The following C8orf34 variants were observed in gnomAD, a reference collection of about 807,000 sequenced individuals.
C8orf34 encodes uncharacterized protein C8orf34.
In C8orf34, 65 loss-of-function variants were observed where a neutral mutation model predicts 68.3. The observed-to-expected ratio is 0.95, with a 90% CI of 0.78 to 1.17. The LOEUF (loss-of-function observed/expected upper bound fraction) is 1.17. Ranked by LOEUF, C8orf34 falls within the 50% of genes most tolerant of loss-of-function variation. The pLI, the probability that C8orf34 is intolerant of heterozygous loss-of-function variation, is 0.00. For missense variants in C8orf34, 664 were observed against 655.4 expected (o/e 1.01, Z -0.14); for synonymous variants, 244 against 241.2 (o/e 1.01, Z -0.11).
intron 7 of C8orf34, among the ~76,000 whole-genome samples, chr8:68,538,336 T>C (rs1815565349): frequency 6.6e-6 from 1 of 152,170 alleles, no homozygotes; most frequent in East Asian, 1.9e-4. Context: ...CTAGACCTCA[T>C]GCTACCTCTT....
At position 68,552,911 on chromosome 8, in the gene C8orf34, T is replaced by C. The variant is rs1461067104; in HGVS notation, c.1105+19762T>C. The stretch of plus-strand genomic sequence containing the variant: ...AACCTTGTATTTCAGGGATAAATCC[T>C]TATTTGTTGTTTCTATAATTCCTTT... On this transcript the variant is annotated intron_variant, in intron 7 of 13. Coordinates refer to ENST00000518698, the MANE Select transcript of C8orf34 (RefSeq NM_052958.4). Among the ~76,000 whole-genome samples, 5 of 152,298 alleles carry C rather than the reference T, an allele frequency of 3.3e-5. No individual in the cohort carries two copies. The East Asian group carries it at 9.6e-4, about 29-fold the overall frequency.
intron 8 of C8orf34, among the ~76,000 whole-genome samples, chr8:68,656,741 G>A (rs187279524): frequency 2.6e-5 from 4 of 152,142 alleles, no homozygotes; most frequent in African/African-American, 9.6e-5. Context: ...CTCCAACCCA[G>A]TCCCTGGAGA....
At chr8:68,587,308 A>G (rs541825307) in intron 7 of C8orf34, among the ~76,000 whole-genome samples, 1 of 152,166 alleles carries the variant, frequency 6.6e-6, no homozygotes, top group Non-Finnish European at 1.5e-5. Context: ...ATTACTGAAC[A>G]GATAATCTAT....
At chr8:68,448,688 A>G (rs1191436299) in intron 3 of C8orf34, among the ~76,000 whole-genome samples, 1 of 152,188 alleles carries the variant, frequency 6.6e-6, no homozygotes, top group African/African-American at 2.4e-5. Flanking sequence ...GTTGAAGTAC[A>G]GACGTGCCCA....
At chr8:68,786,912 G>A (rs925989625) in intron 11 of C8orf34, among the ~76,000 whole-genome samples, 3 of 152,166 alleles carry the variant, frequency 2.0e-5, no homozygotes, top group Admixed American at 6.5e-5. Flanking sequence ...GAGATAATGA[G>A]GGTCTGCTTT....
Position 68,521,981 on chromosome 8 carries a change from G to A in C8orf34, c.938+10G>A. 2 of 1,611,470 alleles carry A rather than the reference G, an allele frequency of 1.2e-6. No homozygotes were observed. The highest frequency in any genetic ancestry group is 1.7e-6 in the Non-Finnish European group (2 of 1,178,370). ...CTAGTCCTGCAGGAAGGTGAGATGAGCTGTCTGCTGAGATTCTATATTACT... is the reference window on the plus strand; with the variant it reads ...CTAGTCCTGCAGGAAGGTGAGATGAACTGTCTGCTGAGATTCTATATTACT... On this transcript the variant is annotated intron_variant, in intron 6 of 13. Coordinates refer to ENST00000518698, the MANE Select transcript of C8orf34 (RefSeq NM_052958.4).
chr8:68,402,427 T>C (rs1809001317), intron 1 of C8orf34, among the ~76,000 whole-genome samples: 1 of 152,126 alleles, frequency 6.6e-6, no homozygotes. Flanking sequence ...CTGATCATTG[T>C]TATTTGTTTT....
intron 8 of C8orf34, among the ~76,000 whole-genome samples, chr8:68,675,885 G>T (rs191583337): frequency 2.0e-5 from 3 of 152,056 alleles, no homozygotes; most frequent in Admixed American, 6.6e-5. Context: ...GAAAATAAAC[G>T]AATGGAAAAA....
At chr8:68,618,249 G>A (rs1461249672) in intron 7 of C8orf34, among the ~76,000 whole-genome samples, 1 of 152,004 alleles carries the variant, frequency 6.6e-6, no homozygotes. Flanking sequence ...TCATTCCATG[G>A]TAAGAATAAC....
intron 5 of C8orf34, among the ~76,000 whole-genome samples, chr8:68,506,703 T>C (rs980960871): frequency 1.3e-4 from 20 of 152,232 alleles, no homozygotes; most frequent in African/African-American, 4.3e-4. Flanking sequence ...ATATAAATGT[T>C]TAACATTAAC....
Position 68,395,993 on chromosome 8 carries a change from G to C in C8orf34, c.328-43506G>C, listed in dbSNP as rs78100163. On this transcript the variant is annotated intron_variant, in intron 1 of 13. Transcript: ENST00000518698. ...TTCTAAACTTATTCCTAAGGAGGCA[G>C]TAGATATAGAAGTTTAGCAACTCTT... Among the ~76,000 whole-genome samples, 906 of 152,132 alleles carry C rather than the reference G, an allele frequency of 6.0e-3. 26 individuals are homozygous for C. The East Asian group carries it at 0.092, about 16-fold the overall frequency.
chr8:68,536,651 G>A (rs927627760), intron 7 of C8orf34, among the ~76,000 whole-genome samples: 18 of 151,534 alleles, frequency 1.2e-4, no homozygotes, highest in African/African-American at 3.9e-4. Context: ...TTCTAATATG[G>A]GTATTACTAT....
intron 7 of C8orf34, among the ~76,000 whole-genome samples, chr8:68,571,063 C>A (rs1816746649): frequency 6.6e-6 from 1 of 152,110 alleles, no homozygotes; most frequent in South Asian, 2.1e-4. Context: ...GGAAATGGCA[C>A]TATTCCTCCG....
intron 3 of C8orf34, among the ~76,000 whole-genome samples, chr8:68,454,193 T>A (rs1013430834): frequency 3.9e-5 from 6 of 152,090 alleles, no homozygotes; most frequent in Non-Finnish European, 5.9e-5. Context: ...GGATTTTACA[T>A]CTACATTCAT....
intron 1 of C8orf34, among the ~76,000 whole-genome samples, chr8:68,413,628 A>G (rs1385527077): frequency 6.6e-6 from 1 of 152,196 alleles, no homozygotes; most frequent in Non-Finnish European, 1.5e-5. Flanking sequence ...CAGCCCAGTC[A>G]TTCAAGCCTG....
chr8:68,486,761 AG>A (rs1164763732), intron 4 of C8orf34, among the ~76,000 whole-genome samples: 2 of 152,162 alleles, frequency 1.3e-5, no homozygotes, highest in Non-Finnish European at 2.9e-5. Flanking sequence ...CATTGTCCTG[AG>A]GCTGCTTTCA....
At chr8:68,586,639 G>A (rs1269749491) in intron 7 of C8orf34, among the ~76,000 whole-genome samples, 2 of 152,130 alleles carry the variant, frequency 1.3e-5, no homozygotes, top group Admixed American at 1.3e-4. Flanking sequence ...TCCCTGAAAT[G>A]TGACTATAAG....
intron 10 of C8orf34, among the ~76,000 whole-genome samples, chr8:68,770,701 G>A (rs1312888389): frequency 6.6e-6 from 1 of 151,940 alleles, no homozygotes; most frequent in Non-Finnish European, 1.5e-5. Context: ...TTTTTTTTCA[G>A]CTAATAGTCA....
In C8orf34 at chr8:68,575,955, T is replaced by TG. The variant is rs201619420; in HGVS notation, c.1105+42807dup. Among the ~76,000 whole-genome samples the TG allele has an allele frequency of 8.9e-3, 861 of 96,756 alleles. 19 individuals are homozygous for TG. Among genetic ancestry groups the TG allele is most frequent in the African/African-American group, 0.03 (449 of 15,014 alleles). The allele number at this position is 96,756 out of a possible 152,430, so 63.5% of individuals were successfully genotyped here. A position where few individuals can be genotyped will look rare whatever the true frequency, so the allele number is the denominator to read the frequency against. On this transcript the variant is annotated intron_variant, in intron 7 of 13. Transcript: ENST00000518698. Reference sequence around the variant, plus strand: ...AGCTGACATAATGCTAGTAGATGGTTGTTTTTTTTTTTTTTTTTTTTTGCC... The same window carrying TG: ...AGCTGACATAATGCTAGTAGATGGTTGGTTTTTTTTTTTTTTTTTTTTTGCC...
Sources: allele counts gnomAD v4.1 joint callset (sites outside exome capture counted in the v4.1 genomes callset), GRCh38; gene constraint gnomAD v4.1.1; transcripts MANE v1.5; gene names NCBI Gene and HGNC (gene_info 2026-07-23, HGNC 2026-07-21).